The following ILKAP variants were observed in gnomAD, a reference collection of about 807,000 sequenced individuals.
The protein encoded by ILKAP is ILK associated serine/threonine phosphatase.
ILKAP carries 11 observed loss-of-function variants against 49.1 expected under a neutral mutation model. That is an observed-to-expected ratio of 0.22 (90% CI 0.14 to 0.37). The LOEUF (loss-of-function observed/expected upper bound fraction) is 0.37, where lower values mean the gene tolerates loss of function less well. Ranked by LOEUF, ILKAP falls within the 10% of genes least tolerant of loss-of-function variation. The pLI is 1.00. For synonymous variants in ILKAP, 186 were observed against 192.8 expected (o/e 0.96, Z 0.29); for missense variants, 363 against 510.8 (o/e 0.71, Z 2.79).
intron 9 of ILKAP, among the ~76,000 whole-genome samples, chr2:238,175,444 A>G (rs1250360756): frequency 6.6e-6 from 1 of 152,218 alleles, no homozygotes; most frequent in South Asian, 2.1e-4. Context: ...CTGAACTGCT[A>G]GAGTAACAGG....
At chr2:238,180,089 T>C (rs1310883893) in intron 9 of ILKAP, among the ~76,000 whole-genome samples, 1 of 151,762 alleles carries the variant, frequency 6.6e-6, no homozygotes, top group Non-Finnish European at 1.5e-5. Context: ...GAGGATCGCT[T>C]CAACCTCAGA....
intron 8 of ILKAP, 149 bp downstream of exon 8, chr2:238,183,504 T>C (rs1693779721): frequency 9.8e-6 from 6 of 612,430 alleles, no homozygotes; most frequent in Non-Finnish European, 1.7e-5. Context: ...TACCCAGAAG[T>C]TAAACTGCAG....
chr2:238,180,049 T>C (rs1259851582), intron 9 of ILKAP, among the ~76,000 whole-genome samples: 2 of 151,964 alleles, frequency 1.3e-5, no homozygotes, highest in East Asian at 1.9e-4. Context: ...CACATGCCTG[T>C]GGTCCCAGCT....
At position 238,189,879 on chromosome 2, in the gene ILKAP, T is replaced by C; in HGVS notation, c.272A>G (p.Glu91Gly). 6.2e-7 allele frequency: 1 copy of C among 1,614,106 alleles called. No homozygotes were observed. The highest frequency in any genetic ancestry group is 8.5e-7 in the Non-Finnish European group (1 of 1,179,920). ...TTTACAAACTTTCTTTTCCACAAGC[T>C]CTTCACTGCCATTCTTCTCTTCCTC... ...TSEEEKNGSE[E>G]LVEKKVCKAS... Residue 91 changes from glutamate (E) to glycine (G), a missense_variant, in exon 4 of 12, where the codon GAG becomes GGG. By Grantham distance (98) the Glu-to-Gly change is moderately conservative. Around this residue, in one of 3 missense-constraint regions of ILKAP, gnomAD observed 114 missense variants for 116.0 expected, o/e 0.98. Transcript: ENST00000254654.
intron 6 of ILKAP, among the ~76,000 whole-genome samples, chr2:238,184,374 G>C (rs1693818831): frequency 6.6e-6 from 1 of 152,018 alleles, no homozygotes; most frequent in African/African-American, 2.4e-5. Context: ...GTTTTTAGTA[G>C]AGACAGGGTT....
chr2:238,185,481 C>T, intron 5 of ILKAP, 194 bp from the exon 6 acceptor site: 2 of 509,714 alleles, frequency 3.9e-6, no homozygotes, highest in Non-Finnish European at 7.0e-6. Context: ...GTAACTTTCA[C>T]AGCATTTTAT....
intron 2 of ILKAP, 141 bp downstream of exon 2, chr2:238,194,664 T>C: frequency 4.8e-6 from 4 of 825,546 alleles, no homozygotes; most frequent in South Asian, 1.8e-5. Context: ...CCTGATGCCA[T>C]GGATTCAAAA....
At chr2:238,175,546 G>C (rs1467415304) in intron 9 of ILKAP, among the ~76,000 whole-genome samples, 1 of 152,148 alleles carries the variant, frequency 6.6e-6, no homozygotes, top group Non-Finnish European at 1.5e-5. Flanking sequence ...CACTCAATGC[G>C]ATGTCCTACG....
chr2:238,197,160 C>A (rs548194389), intron 1 of ILKAP, among the ~76,000 whole-genome samples: 5 of 152,336 alleles, frequency 3.3e-5, no homozygotes, highest in East Asian at 1.9e-4. Context: ...AGCGCCACTG[C>A]ACTCCAGCCT....
intron 5 of ILKAP, chr2:238,185,602 G>A (rs10187111): frequency 8.2e-6 from 2 of 244,718 alleles, no homozygotes; most frequent in Admixed American, 5.1e-5. Flanking sequence ...AGGAGATCAA[G>A]ACCATCCTGG....
At chr2:238,173,853 C>T in intron 9 of ILKAP, 200 bp from the exon 10 acceptor site, 1 of 639,442 alleles carries the variant, frequency 1.6e-6, no homozygotes, top group South Asian at 2.0e-5. Flanking sequence ...GGGGTAGGGA[C>T]CCTGCCCAGC....
At chr2:238,185,483 G>T (rs1378335033) in intron 5 of ILKAP, 196 bp from the exon 6 acceptor site, 3 of 503,310 alleles carry the variant, frequency 6.0e-6, no homozygotes, top group Non-Finnish European at 1.1e-5. Flanking sequence ...AACTTTCACA[G>T]CATTTTATCT....
Position 238,173,638 on chromosome 2 carries a change from C to T in ILKAP, c.852G>A (p.Leu284=), listed in dbSNP as rs1444563894. 1.2e-6 allele frequency: 2 copies of T among 1,613,690 alleles called. No individual in the cohort carries two copies. The highest frequency in any genetic ancestry group is 1.7e-6 in the Non-Finnish European group (2 of 1,179,656). Residue 284 remains leucine, a synonymous_variant, in exon 10 of 12, where the codon TTG becomes TTA. Coordinates refer to ENST00000254654, the MANE Select transcript of ILKAP (RefSeq NM_030768.3). ...AGGNVRDGRV[L]GVLEVSRSIG... ...TGGAGCGTGACACCTCTAGCACGCC[C>T]AAAACACGCCCATCCCTAAAATGAG...
intron 1 of ILKAP, among the ~76,000 whole-genome samples, chr2:238,198,071 C>A (rs2106341570): frequency 6.6e-6 from 1 of 152,024 alleles, no homozygotes; most frequent in South Asian, 2.1e-4. Context: ...CTCATTTTAC[C>A]CTTACAACAA....
At chr2:238,184,927 G>T (rs1409414058) in intron 6 of ILKAP, among the ~76,000 whole-genome samples, 1 of 152,102 alleles carries the variant, frequency 6.6e-6, no homozygotes, top group East Asian at 1.9e-4. Context: ...TCCAGTAAAG[G>T]CAAGACACTA....
Position 238,182,046 on chromosome 2 carries a change from C to T in ILKAP, c.836+19G>A. 3 of 1,612,216 alleles carry T rather than the reference C, an allele frequency of 1.9e-6. No individual in the cohort carries two copies. Among genetic ancestry groups the T allele is most frequent in the South Asian group, 1.1e-5 (1 of 91,028 alleles). The stretch of plus-strand genomic sequence containing the variant: ...TAACAGCCCTCCTTCCCATGAGCTC[C>T]TCTCAGTCCCTTGGTTACCTGACGT... On this transcript the variant is annotated intron_variant, in intron 9 of 11. Transcript: ENST00000254654.
chr2:238,178,391 G>C (rs548544152), intron 9 of ILKAP, among the ~76,000 whole-genome samples: 1 of 152,256 alleles, frequency 6.6e-6, no homozygotes, highest in South Asian at 2.1e-4. Context: ...GTCTCACTGC[G>C]TTGCCCAGGC....
intron 6 of ILKAP, 125 bp downstream of exon 6, chr2:238,185,056 C>G (rs1191129959): frequency 3.1e-6 from 2 of 638,564 alleles, no homozygotes; most frequent in Non-Finnish European, 5.6e-6. Context: ...CTCCTCAGCA[C>G]CACTCTTTTA....
Position 238,203,489 on chromosome 2 carries a change from C to T in ILKAP, c.55+10G>A. 8.0e-7 allele frequency: 1 copy of T among 1,248,820 alleles called. No homozygotes were observed. The highest frequency in any genetic ancestry group is 1.0e-6 in the Non-Finnish European group (1 of 984,164). The allele number at this position is 1,248,820 out of a possible 1,614,324, so 77.4% of individuals were successfully genotyped here. On this transcript the variant is annotated intron_variant, in intron 1 of 11. Coordinates refer to ENST00000254654, the MANE Select transcript of ILKAP (RefSeq NM_030768.3). ...CCTTCCCTGGCCGGCCCGGCGGCAA[C>T]GCCGCTTACCGGCAGCCGGGCGCGG...
Sources: gnomAD v4.1 joint callset for allele counts (sites outside exome capture counted in the v4.1 genomes callset) on GRCh38, gnomAD v4.1.1 for gene constraint, gnomAD v4.1.1 regional missense constraint, MANE v1.5 for transcripts, NCBI Gene and HGNC (gene_info 2026-07-23, HGNC 2026-07-21) for gene names.